The following TPTE2 variants were observed in gnomAD, a reference collection of about 807,000 sequenced individuals.
TPTE2 encodes the protein phosphatidylinositol 3,4,5-trisphosphate 3-phosphatase TPTE2.
In TPTE2, 53 loss-of-function variants were observed where a neutral mutation model predicts 78.6. That is an observed-to-expected ratio of 0.67 (90% CI 0.54 to 0.85). The LOEUF (loss-of-function observed/expected upper bound fraction) is 0.85. Among genes scored for constraint, TPTE2 ranks in the 40% least tolerant of loss-of-function variants. The pLI is 0.00. For missense variants in TPTE2, 461 were observed against 623.0 expected (o/e 0.74, Z 2.77); for synonymous variants, 175 against 206.2 (o/e 0.85, Z 1.30).
At chr13:19,507,324 A>AAC (rs1555255241), upstream of TPTE2, among the ~76,000 whole-genome samples, 1,556 of 150,860 alleles carry the variant, frequency 0.01, 35 homozygotes, top group African/African-American at 0.037. Context: ...AAAAAAAAAA[A>AAC]ACACATGCAA....
upstream of TPTE2, chr13:19,503,393 G>C: frequency 9.2e-7 from 1 of 1,083,834 alleles, no homozygotes; most frequent in Non-Finnish European, 1.4e-6. Flanking sequence ...GACTATTCAT[G>C]TGTATAGCAC....
At chr13:19,526,528 G>A (rs8001403) in intron 1 of TPTE2, among the ~76,000 whole-genome samples, 110,787 of 150,254 alleles carry the variant, frequency 0.74, 43,279 homozygotes, top group East Asian at 0.96. Flanking sequence ...GTACACATGG[G>A]CACAAATATG....
chr13:19,546,984 C>T, the TPTE2 span, among the ~76,000 whole-genome samples: 1 of 151,622 alleles, frequency 6.6e-6, no homozygotes, highest in Non-Finnish European at 1.5e-5. Flanking sequence ...TTAAAATTAC[C>T]TAATAATGCC....
chr13:19,428,169 C>T (rs545732609), intron 17 of TPTE2, among the ~76,000 whole-genome samples: 4 of 152,244 alleles, frequency 2.6e-5, no homozygotes, highest in Middle Eastern at 6.8e-3. Context: ...GAAAAATGGG[C>T]CAGGTGCGGT....
chr13:19,555,511 C>T, the TPTE2 span, among the ~76,000 whole-genome samples: 4 of 152,176 alleles, frequency 2.6e-5, no homozygotes, highest in Non-Finnish European at 4.4e-5. Flanking sequence ...GGAGCAAAAA[C>T]CATTCTTTAG....
chr13:19,465,681 C>A (rs1469528236), intron 7 of TPTE2, 117 bp from the exon 11 acceptor site: 156 of 807,544 alleles, frequency 1.9e-4, no homozygotes, highest in Non-Finnish European at 2.8e-4. Flanking sequence ...TCCCCAATTA[C>A]CTACCTGGGG....
the TPTE2 span, among the ~76,000 whole-genome samples, chr13:19,546,104 G>A: frequency 1.3e-5 from 2 of 152,244 alleles, no homozygotes; most frequent in Admixed American, 6.5e-5. Context: ...GGGGGCAGGA[G>A]GATCAATCAC....
At chr13:19,556,384 CAT>C in the TPTE2 span, among the ~76,000 whole-genome samples, 1 of 152,096 alleles carries the variant, frequency 6.6e-6, no homozygotes, top group Non-Finnish European at 1.5e-5. Flanking sequence ...CTGTAAGCCA[CAT>C]GAGTAGGTGC....
chr13:19,516,533 A>G (rs1869805050), intron 1 of TPTE2, among the ~76,000 whole-genome samples: 2 of 152,236 alleles, frequency 1.3e-5, no homozygotes, highest in African/African-American at 2.4e-5. Flanking sequence ...AAAATGTCAT[A>G]TAATTGTAAC....
rs1178431944 is a variant in TPTE2, at chr13:19,422,893, T to G, written c.*169A>C. 6.7e-6 allele frequency: 4 copies of G among 599,038 alleles called. 1 individual carries two copies. The highest frequency in any genetic ancestry group is 8.5e-5 in the South Asian group (2 of 23,466). 37.1% of individuals were successfully genotyped at this position (599,038 alleles called of 1,614,324 possible). A position where few individuals can be genotyped will look rare whatever the true frequency, so the allele number is the denominator to read the frequency against. On this transcript the variant is annotated 3_prime_UTR_variant, in exon 20 of 20. Transcript: ENST00000400230. Reference sequence around the variant, plus strand: ...ACACTGACATTTTATCTATATATATTTAATAGATTTATGAAGAACATATAT... The same window carrying G: ...ACACTGACATTTTATCTATATATATGTAATAGATTTATGAAGAACATATAT...
At chr13:19,485,805 T>C (rs1301547490) in intron 3 of TPTE2, among the ~76,000 whole-genome samples, 1 of 152,062 alleles carries the variant, frequency 6.6e-6, no homozygotes, top group Non-Finnish European at 1.5e-5. Flanking sequence ...TGTTCTTGTC[T>C]GTAAAGCCAT....
At chr13:19,553,536 T>G in the TPTE2 span, among the ~76,000 whole-genome samples, 1 of 152,298 alleles carries the variant, frequency 6.6e-6, no homozygotes, top group South Asian at 2.1e-4. Flanking sequence ...GGTTGTAATC[T>G]GGGAAACAAC....
chr13:19,505,445 G>A (rs1868947841), upstream of TPTE2, among the ~76,000 whole-genome samples: 1 of 152,008 alleles, frequency 6.6e-6, no homozygotes, highest in African/African-American at 2.4e-5. Flanking sequence ...CTGGCCAGTG[G>A]CATTTATTTC....
At chr13:19,512,929 C>T (rs1869548888) in intron 1 of TPTE2, among the ~76,000 whole-genome samples, 1 of 151,994 alleles carries the variant, frequency 6.6e-6, no homozygotes, top group South Asian at 2.1e-4. Flanking sequence ...AATCCTTGGG[C>T]CATATTAAGG....
chr13:19,459,359 T>G (rs1878742359), intron 10 of TPTE2, among the ~76,000 whole-genome samples: 1 of 152,164 alleles, frequency 6.6e-6, no homozygotes, highest in African/African-American at 2.4e-5. Flanking sequence ...GCCAGCTCCT[T>G]CCTTTGGAAG....
At chr13:19,436,439 G>C in intron 14 of TPTE2, 133 bp from the exon 18 acceptor site, 1 of 809,386 alleles carries the variant, frequency 1.2e-6, no homozygotes. Flanking sequence ...TTTTGGTAGA[G>C]TCTTGCTCTG....
intron 6 of TPTE2, among the ~76,000 whole-genome samples, chr13:19,468,551 C>A (rs1879429656): frequency 6.6e-6 from 1 of 152,120 alleles, no homozygotes; most frequent in African/African-American, 2.4e-5. Flanking sequence ...ATTGCTGGAT[C>A]ATATGGTAGT....
At chr13:19,442,674 C>T (rs1166046356) in intron 13 of TPTE2, among the ~76,000 whole-genome samples, 1 of 151,492 alleles carries the variant, frequency 6.6e-6, no homozygotes, top group East Asian at 1.9e-4. Flanking sequence ...TGAGACTAAT[C>T]AAAAGAAAAA....
chr13:19,538,528 T>TC (rs1566082675), upstream of TPTE2, among the ~76,000 whole-genome samples: 1 of 148,136 alleles, frequency 6.8e-6, no homozygotes, highest in East Asian at 2.0e-4. Context: ...CCTTTTTTTT[T>TC]CTTTTTTCTT....
Sources: allele counts gnomAD v4.1 joint callset (sites outside exome capture counted in the v4.1 genomes callset), GRCh38; gene constraint gnomAD v4.1.1; transcripts MANE v1.5; gene names NCBI Gene and HGNC (gene_info 2026-07-23, HGNC 2026-07-21).